DLL3: variants seen among roughly 807,000 people sequenced by gnomAD.
The protein encoded by DLL3 is delta like canonical Notch ligand 3.
Under a neutral mutation model 55.0 loss-of-function variants are expected in DLL3, and 49 were observed. The observed-to-expected ratio is 0.89, with a 90% CI of 0.71 to 1.13. The LOEUF is 1.13. DLL3 is among the 50% of genes most tolerant of loss of function. DLL3 has a pLI of 0.00. For synonymous variants in DLL3, 421 were observed against 385.2 expected (o/e 1.09, Z -1.09); for missense variants, 962 against 875.5 (o/e 1.10, Z -1.25).
Position 39,505,089 on chromosome 19 carries a change from G to A in DLL3, c.871-140G>A, listed in dbSNP as rs3816049. The A allele has an allele frequency of 2.9e-4, 238 of 812,794 alleles. 1 individual carries two copies. The East Asian group carries it at 5.7e-3, about 19-fold the overall frequency. The allele number at this position is 812,794 out of a possible 1,614,324, so 50.3% of individuals were successfully genotyped here. A position where few individuals can be genotyped will look rare whatever the true frequency, so the allele number is the denominator to read the frequency against. ...ATGTGGAGTGGATCGAGGGGATGTCGGGAGGACCTCCCAGGGTGGCCCCTG... is the reference window on the plus strand; with the variant it reads ...ATGTGGAGTGGATCGAGGGGATGTCAGGAGGACCTCCCAGGGTGGCCCCTG... On this transcript the variant is annotated intron_variant, in intron 5 of 8. Transcript: ENST00000356433.
chr19:39,505,406 T>A lies in DLL3; in HGVS notation c.1048T>A (p.Cys350Ser). The change falls in exon 6 of 9, where the codon TGT (cysteine) becomes AGT (serine). Residue 350 changes from cysteine to serine, a missense_variant. Coordinates refer to ENST00000356433, the MANE Select transcript of DLL3 (RefSeq NM_203486.3). ...HCPPGFQGSNCEKRVDRCSLQ... is the reference protein window; with the variant it reads ...HCPPGFQGSNSEKRVDRCSLQ... ...CCCACCCGGTTTCCAAGGCTCCAAC[T>A]GTGAGAAGAGGGTGGACCGGTGCAG... 6.2e-7 allele frequency: 1 copy of A among 1,613,978 alleles called. No individual in the cohort carries two copies. Among genetic ancestry groups the A allele is most frequent in the South Asian group, 1.1e-5 (1 of 91,070 alleles).
Position 39,502,898 on chromosome 19 carries a change from G to A in DLL3, c.493G>A (p.Ala165Thr), listed in dbSNP as rs771785908. 19 of 1,441,298 alleles carry A rather than the reference G, an allele frequency of 1.3e-5. No homozygotes were observed. The highest frequency in any genetic ancestry group is 1.7e-5 in the Non-Finnish European group (19 of 1,102,602). 89.3% of individuals were successfully genotyped at this position (1,441,298 alleles called of 1,614,324 possible). The change falls in exon 4 of 9, where the codon GCA (alanine) becomes ACA (threonine). Residue 165 changes from alanine (A) to threonine (T), a missense_variant. By Grantham distance (58) the Ala-to-Thr change is moderately conservative (BLOSUM62 0). Coordinates refer to ENST00000356433, the MANE Select transcript of DLL3 (RefSeq NM_203486.3). ...CCCGTGGGCCCGGGACATTCAGCGC[G>A]CAGGCGCCTGGGAGCTGCGCTTCTC... ...GGPWARDIQR[A>T]GAWELRFSYR...
rs184664708 is a variant in DLL3 at position 39,504,346 on chromosome 19, C to T, written c.870+58C>T. ...AGTACTTTACCCTGGGAGCCACAGC[C>T]CTCTCCCTGGGGCTCCATGAGACAC... On this transcript the variant is annotated intron_variant, in intron 5 of 8. Coordinates refer to ENST00000356433, the MANE Select transcript of DLL3 (RefSeq NM_203486.3). 1.8e-4 allele frequency: 281 copies of T among 1,570,786 alleles called. 1 individual carries two copies. The highest frequency in any genetic ancestry group is 1.5e-3 in the Middle Eastern group (9 of 6,004).
Position 39,502,895 on chromosome 19 carries a change from C to A in DLL3, c.490C>A (p.Arg164Ser). 6.9e-7 allele frequency: 1 copy of A among 1,441,042 alleles called. No individual in the cohort carries two copies. The highest frequency in any genetic ancestry group is 1.4e-5 in the South Asian group (1 of 73,206). 89.3% of individuals were successfully genotyped at this position (1,441,042 alleles called of 1,614,324 possible). A position where few individuals can be genotyped will look rare whatever the true frequency, so the allele number is the denominator to read the frequency against. ...AGGCCCGTGGGCCCGGGACATTCAG[C>A]GCGCAGGCGCCTGGGAGCTGCGCTT... ...AGGPWARDIQ[R>S]AGAWELRFSY... The change falls in exon 4 of 9, where the codon CGC (arginine) becomes AGC (serine). Residue 164 changes from arginine (R) to serine (S), a missense_variant. Physicochemically the swap from Arg to Ser is moderately radical, Grantham distance 110. Transcript: ENST00000356433.
At chr19:39,501,428 C>T (rs1011009380) in intron 3 of DLL3, among the ~76,000 whole-genome samples, 6 of 152,162 alleles carry the variant, frequency 3.9e-5, no homozygotes, top group Non-Finnish European at 8.8e-5. Context: ...CTATCCTCAA[C>T]TTGGGAGACT....
chr19:39,502,969 G>C lies in DLL3; in HGVS notation c.564G>C (p.Thr188=). 6.8e-7 allele frequency: 1 copy of C among 1,464,008 alleles called. No individual in the cohort carries two copies. Among genetic ancestry groups the C allele is most frequent in the Non-Finnish European group, 9.0e-7 (1 of 1,115,000 alleles). The allele number at this position is 1,464,008 out of a possible 1,614,324, so 90.7% of individuals were successfully genotyped here. ...CEPPAVGTAC[T]RLCRPRSAPS... ...CGCCTGCCGTCGGGACCGCGTGCAC[G>C]CGCCTCTGCCGTCCGCGCAGCGCCC... The change falls in exon 4 of 9, where the codon ACG becomes ACC. Residue 188 remains threonine, a synonymous_variant. Transcript: ENST00000356433.
Position 39,507,026 on chromosome 19 carries a change from C to G in DLL3, c.1094-13C>G, listed in dbSNP as rs2079644767. 2.0e-6 allele frequency: 3 copies of G among 1,533,628 alleles called. No homozygotes were observed. Among genetic ancestry groups the G allele is most frequent in the Non-Finnish European group, 2.6e-6 (3 of 1,146,378 alleles). The stretch of plus-strand genomic sequence containing the variant: ...CTCCCGGACTGCGCCCTCTGATGCT[C>G]CCTTCCCCACAGGCGGACTCTGCCT... On this transcript the variant is annotated splice_polypyrimidine_tract_variant and intron_variant, in intron 6 of 8. Coordinates refer to ENST00000356433, the MANE Select transcript of DLL3 (RefSeq NM_203486.3).
chr19:39,502,987 C>T lies in DLL3; in HGVS notation c.582C>T (p.Arg194=), dbSNP rs1362057240. The stretch of plus-strand genomic sequence containing the variant: ...CGTGCACGCGCCTCTGCCGTCCGCG[C>T]AGCGCCCCCTCGCGGTGCGGTCCGG... ...GTACTRLCRP[R]SAPSRCGPGL... is the part of the protein sequence containing the mutation. The change falls in exon 4 of 9, where the codon CGC becomes CGT. Residue 194 remains arginine (R), a synonymous_variant. Coordinates refer to ENST00000356433, the MANE Select transcript of DLL3 (RefSeq NM_203486.3). 6.7e-7 allele frequency: 1 copy of T among 1,484,668 alleles called. No individual in the cohort carries two copies. The highest frequency in any genetic ancestry group is 8.9e-7 in the Non-Finnish European group (1 of 1,125,282). The allele number at this position is 1,484,668 out of a possible 1,614,324, so 92.0% of individuals were successfully genotyped here.
chr19:39,501,855 G>A (rs1044148078), intron 3 of DLL3, among the ~76,000 whole-genome samples: 10 of 152,160 alleles, frequency 6.6e-5, no homozygotes. Context: ...AAATGTCACA[G>A]GGTGTTAGAG....
At chr19:39,508,110 A>G (rs1483132418) in intron 8 of DLL3, 142 bp from the exon 9 acceptor site, 1 of 1,611,548 alleles carries the variant, frequency 6.2e-7, no homozygotes, top group Admixed American at 1.7e-5. Context: ...GCTACCTGCC[A>G]TCTTCTCTTT....
In DLL3 at chr19:39,499,056, T is replaced by TTC; in HGVS notation, c.69+13_69+14insTC. The stretch of plus-strand genomic sequence containing the variant: ...TTTCCTCCCCCAGGTCAGAGCCAGG[T>TTC]GGGAGGTGGCGTGGAAAGGGATGAA... On this transcript the variant is annotated intron_variant, in intron 1 of 8. Coordinates refer to ENST00000356433, the MANE Select transcript of DLL3 (RefSeq NM_203486.3). 1.2e-6 allele frequency: 2 copies of TTC among 1,613,138 alleles called. No individual in the cohort carries two copies. The highest frequency in any genetic ancestry group is 2.2e-5 in the South Asian group (2 of 91,022).
In DLL3 at chr19:39,503,042, G is replaced by T. The variant is rs770329421; in HGVS notation, c.637G>T (p.Glu213Ter). 4 of 1,521,176 alleles carry T rather than the reference G, an allele frequency of 2.6e-6. No homozygotes were observed. In the African/African-American group the frequency reaches 4.2e-5, roughly 16 times the overall value. The allele number at this position is 1,521,176 out of a possible 1,614,324, so 94.2% of individuals were successfully genotyped here. ...GLRPCAPLED[E>*]CEAPLVCRAG... ...GCGCCCCTGCGCACCGCTCGAGGACGAATGTGAGGCGCCGCGTGAGTCCTG... is the reference window on the plus strand; with the variant it reads ...GCGCCCCTGCGCACCGCTCGAGGACTAATGTGAGGCGCCGCGTGAGTCCTG... The change falls in exon 4 of 9, where the codon GAA becomes TAA. Residue 213 changes from glutamate (E) to a stop codon, truncating the protein, a stop_gained. Transcript: ENST00000356433. LOFTEE classifies it high-confidence loss of function.
At position 39,500,612 on chromosome 19, in the gene DLL3, C is replaced by T; in HGVS notation, c.352-3C>T. 1 of 1,613,484 alleles carries T rather than the reference C, an allele frequency of 6.2e-7. No homozygotes were observed. Among genetic ancestry groups the T allele is most frequent in the Non-Finnish European group, 8.5e-7 (1 of 1,179,530 alleles). On this transcript the variant is annotated splice_region_variant and splice_polypyrimidine_tract_variant and intron_variant, in intron 2 of 8. Transcript: ENST00000356433. ...TCATCTCCCCCTTCCTTCACCCAACCAGGGCACCTTCTCTTTCATCATCGA... is the reference window on the plus strand; with the variant it reads ...TCATCTCCCCCTTCCTTCACCCAACTAGGGCACCTTCTCTTTCATCATCGA...
intron 3 of DLL3, among the ~76,000 whole-genome samples, chr19:39,502,337 C>T (rs148838588): frequency 6.6e-6 from 1 of 151,858 alleles, no homozygotes; most frequent in Non-Finnish European, 1.5e-5. Context: ...GATCTCGGCT[C>T]ACTGCAACCT....
At chr19:39,506,211 CAAAAAAAA>C (rs541216671) in intron 6 of DLL3, among the ~76,000 whole-genome samples, 30 of 54,528 alleles carry the variant, frequency 5.5e-4, no homozygotes, top group African/African-American at 1.0e-3. Context: ...CACTCTGTCT[CAAAAAAAA>C]AAAAAAAAAA....
Position 39,508,244 on chromosome 19 carries a change from G to A in DLL3, c.1759-8G>A. 6.2e-7 allele frequency: 1 copy of A among 1,613,928 alleles called. No individual in the cohort carries two copies. The highest frequency in any genetic ancestry group is 2.2e-5 in the East Asian group (1 of 44,864). Reference sequence around the variant, plus strand: ...CTCTCTAATGCTTCCTACTCATTTTGTTTCTAGGCCTGACGCGTCTCCTCC... The same window carrying A: ...CTCTCTAATGCTTCCTACTCATTTTATTTCTAGGCCTGACGCGTCTCCTCC... On this transcript the variant is annotated splice_polypyrimidine_tract_variant and splice_region_variant and intron_variant, in intron 8 of 8. Transcript: ENST00000356433.
chr19:39,507,419 CT>C lies in DLL3; in HGVS notation c.1478del (p.Leu493CysfsTer55). 1.3e-6 allele frequency: 2 copies of C among 1,591,360 alleles called. No individual in the cohort carries two copies. The highest frequency in any genetic ancestry group is 8.5e-7 in the Non-Finnish European group (1 of 1,170,652). On this transcript the variant is annotated frameshift_variant, in exon 7 of 9. Coordinates refer to ENST00000356433, the MANE Select transcript of DLL3 (RefSeq NM_203486.3). LOFTEE classifies it high-confidence loss of function. ...CAGGCCCGGGGACCCTCAGCGCTAC[CT>C]TTTGCCTCCGGCTCTGGGACTGCTC... ...GLRPGDPQRYLLPPALGLLVA... is the reference protein window; with the variant it reads ...GLRPGDPQRYXLPPALGLLVA...
rs543714737 is a variant in DLL3 at position 39,507,477 on chromosome 19, T to G, written c.1532T>G (p.Leu511Trp). The change falls in exon 7 of 9, where the codon TTG becomes TGG. Residue 511 changes from leucine to tryptophan, a missense_variant. Physicochemically the swap from Leu to Trp is moderately conservative, Grantham distance 61. Transcript: ENST00000356433. ...GCGGGCGTGGCCGGCGCTGCGCTCT[T>G]GCTGGTCCACGTGCGCCGCCGTGGC... is the stretch of plus-strand genomic sequence containing the variant. ...VAAGVAGAAL[L>W]LVHVRRRGHS... The G allele has an allele frequency of 1.1e-5, 17 of 1,595,132 alleles. No homozygotes were observed. In the East Asian group the frequency reaches 3.0e-4, roughly 28 times the overall value.
At chr19:39,505,180 A>AT (rs577477375) in intron 5 of DLL3, 49 bp from the exon 6 acceptor site, 1 of 1,595,912 alleles carries the variant, frequency 6.3e-7, no homozygotes, top group South Asian at 1.1e-5. Flanking sequence ...GGGGGATGGG[A>AT]TTTTTCTCCA....
Sources: gnomAD v4.1 joint callset for allele counts (sites outside exome capture counted in the v4.1 genomes callset) on GRCh38, gnomAD v4.1.1 for gene constraint, MANE v1.5 for transcripts, NCBI Gene and HGNC (gene_info 2026-07-23, HGNC 2026-07-21) for gene names.